The following FANCD2OS variants were observed in gnomAD, a reference collection of about 807,000 sequenced individuals.
FANCD2OS encodes FANCD2 opposite strand.
Under a neutral mutation model 13.2 loss-of-function variants are expected in FANCD2OS, and 11 were observed. The ratio of observed to expected loss-of-function variants is 0.83; its 90% confidence interval spans 0.52 to 1.38. The LOEUF (loss-of-function observed/expected upper bound fraction) is 1.38, where lower values mean the gene tolerates loss of function less well. Ranked by LOEUF, FANCD2OS falls within the 40% of genes most tolerant of loss-of-function variation. The probability of loss-of-function intolerance (pLI) is 0.00; values close to 1 mark genes in which losing one functional copy is unlikely to be tolerated. For synonymous variants in FANCD2OS, 69 were observed against 84.5 expected (o/e 0.82, Z 1.01); for missense variants, 217 against 213.9 (o/e 1.01, Z -0.09).
Position 10,090,322 on chromosome 3 carries a change from G to A in FANCD2OS, c.*44-8791C>T. On this transcript the variant is annotated intron_variant, in intron 2 of 2. Transcript: ENST00000524279. Reference sequence around the variant, plus strand: ...CTTTTGTTGTTTTCTTCCGTGTGATGATGGCTGAACTAGAGAAGACGGTGA... The same window carrying A: ...CTTTTGTTGTTTTCTTCCGTGTGATAATGGCTGAACTAGAGAAGACGGTGA... 1 of 1,612,994 alleles carries A rather than the reference G, an allele frequency of 6.2e-7. No individual in the cohort carries two copies. The highest frequency in any genetic ancestry group is 8.5e-7 in the Non-Finnish European group (1 of 1,179,560).
intron 2 of FANCD2OS, chr3:10,087,011 T>C: frequency 9.5e-7 from 1 of 1,055,754 alleles, no homozygotes; most frequent in Non-Finnish European, 1.5e-6. Context: ...CACCTGAAAA[T>C]AAGGAGGATT....
At chr3:10,100,809 C>G (rs541824954), downstream of FANCD2OS, among the ~76,000 whole-genome samples, 10 of 152,300 alleles carry the variant, frequency 6.6e-5, no homozygotes, top group Admixed American at 1.3e-4. Flanking sequence ...ATGGCTCACG[C>G]CTGTAATCCT....
At chr3:10,084,289 GC>G (rs1694040246) in intron 2 of FANCD2OS, among the ~76,000 whole-genome samples, 1 of 128,294 alleles carries the variant, frequency 7.8e-6, no homozygotes, top group South Asian at 2.3e-4. Flanking sequence ...ACTACACCTG[GC>G]TTTTTTTTTT....
intron 2 of FANCD2OS, chr3:10,096,287 T>G: frequency 6.2e-7 from 1 of 1,610,452 alleles, no homozygotes. Flanking sequence ...GGCATGATGA[T>G]AAACTCACAA....
chr3:10,103,990 A>T lies in FANCD2OS; in HGVS notation c.*251T>A. 2.0e-6 allele frequency: 1 copy of T among 497,980 alleles called. No individual in the cohort carries two copies. The highest frequency in any genetic ancestry group is 3.5e-6 in the Non-Finnish European group (1 of 283,496). 30.8% of individuals were successfully genotyped at this position (497,980 alleles called of 1,614,324 possible). ...ATATCATTTGTTTAACGGTTATCAC[A>T]TGGACATGTCAATGCTAGTTTGACT... On this transcript the variant is annotated 3_prime_UTR_variant, in exon 2 of 2. Transcript: ENST00000450660.
At chr3:10,105,096 A>G (rs1695433456) in intron 1 of FANCD2OS, among the ~76,000 whole-genome samples, 1 of 152,062 alleles carries the variant, frequency 6.6e-6, no homozygotes, top group Admixed American at 6.6e-5. Flanking sequence ...CAGGTGATCC[A>G]CCGCCTCGGC....
intron 2 of FANCD2OS, among the ~76,000 whole-genome samples, chr3:10,084,057 G>A (rs963790836): frequency 4.6e-5 from 7 of 150,682 alleles, no homozygotes; most frequent in African/African-American, 9.7e-5. Context: ...GCAGTGGCGC[G>A]ATCTCGGCTC....
intron 2 of FANCD2OS, among the ~76,000 whole-genome samples, chr3:10,084,700 T>C (rs1390489858): frequency 6.6e-6 from 1 of 152,208 alleles, no homozygotes. Flanking sequence ...GCCCTCAGAA[T>C]ACATTTGTTG....
intron 2 of FANCD2OS, chr3:10,096,374 A>T (rs1694964979): frequency 1.2e-6 from 2 of 1,614,124 alleles, no homozygotes; most frequent in Admixed American, 3.3e-5. Context: ...GCTCAAAAAG[A>T]CCCTGGAACT....
intron 2 of FANCD2OS, chr3:10,088,746 C>G (rs2125077259): frequency 4.1e-6 from 6 of 1,457,334 alleles, no homozygotes; most frequent in Non-Finnish European, 5.8e-6. Flanking sequence ...ATTGTTAATT[C>G]AGATCATAGA....
At chr3:10,084,878 G>A (rs1227360088) in intron 2 of FANCD2OS, among the ~76,000 whole-genome samples, 1 of 152,104 alleles carries the variant, frequency 6.6e-6, no homozygotes, top group African/African-American at 2.4e-5. Context: ...GAAAGCAGTG[G>A]TTTAAGAAAA....
intron 2 of FANCD2OS, among the ~76,000 whole-genome samples, chr3:10,094,654 G>A (rs937429079): frequency 6.6e-6 from 1 of 151,626 alleles, no homozygotes; most frequent in Non-Finnish European, 1.5e-5. Context: ...GTATCAGTGT[G>A]TCATTTGCTT....
intron 2 of FANCD2OS, among the ~76,000 whole-genome samples, chr3:10,084,721 T>C (rs1045319143): frequency 6.6e-6 from 1 of 152,208 alleles, no homozygotes; most frequent in Non-Finnish European, 1.5e-5. Flanking sequence ...AAAGGAAGAA[T>C]GACTATCACT....
At chr3:10,096,421 C>G (rs1694967960) in intron 2 of FANCD2OS, 1 of 1,614,010 alleles carries the variant, frequency 6.2e-7, no homozygotes. Context: ...TCACTCTCAA[C>G]AATTGTAGAG....
chr3:10,085,191 CT>C (rs1172023893), intron 2 of FANCD2OS, among the ~76,000 whole-genome samples: 1 of 152,090 alleles, frequency 6.6e-6, no homozygotes, highest in Non-Finnish European at 1.5e-5. Flanking sequence ...TGAAGGAGAG[CT>C]TTTTGCCCTT....
downstream of FANCD2OS, among the ~76,000 whole-genome samples, chr3:10,100,059 A>G (rs999975137): frequency 1.3e-5 from 2 of 152,034 alleles, no homozygotes; most frequent in South Asian, 4.2e-4. Flanking sequence ...ATGGTGACGC[A>G]TGCCTGTGGT....
At chr3:10,087,689 C>T (rs770854100) in intron 2 of FANCD2OS, among the ~76,000 whole-genome samples, 27 of 152,006 alleles carry the variant, frequency 1.8e-4, no homozygotes, top group Non-Finnish European at 3.4e-4. Context: ...GTTCTGTCAC[C>T]CAGGCTGGAG....
chr3:10,089,013 T>C, intron 2 of FANCD2OS: 1 of 1,582,284 alleles, frequency 6.3e-7, no homozygotes, highest in Non-Finnish European at 8.7e-7. Flanking sequence ...CTGGGCACGG[T>C]GGCACACACC....
chr3:10,092,555 A>G (rs752550362), intron 2 of FANCD2OS, among the ~76,000 whole-genome samples: 1 of 151,266 alleles, frequency 6.6e-6, no homozygotes, highest in Non-Finnish European at 1.5e-5. Context: ...CTGAGCGCAC[A>G]TTCCCTCTTC....
Sources: allele counts gnomAD v4.1 joint callset (sites outside exome capture counted in the v4.1 genomes callset), GRCh38; gene constraint gnomAD v4.1.1; transcripts MANE v1.5; gene names NCBI Gene and HGNC (gene_info 2026-07-23, HGNC 2026-07-21).